The following CTNNA3 variants were observed in gnomAD, a reference collection of about 807,000 sequenced individuals.
CTNNA3 encodes the protein catenin alpha 3, also known as catenin alpha-3.
A neutral mutation model predicts 95.7 loss-of-function variants in CTNNA3; 76 were observed. That is an observed-to-expected ratio of 0.79 (90% CI 0.66 to 0.96). CTNNA3 has a LOEUF of 0.96. CTNNA3 is among the 40% of genes least tolerant of loss of function. CTNNA3 has a pLI of 0.00. For synonymous variants in CTNNA3, 431 were observed against 374.4 expected (o/e 1.15, Z -1.74); for missense variants, 1,191 against 1,089.8 (o/e 1.09, Z -1.31).
At chr10:66,021,052 C>G (rs531972152) in intron 15 of CTNNA3, among the ~76,000 whole-genome samples, 5 of 152,220 alleles carry the variant, frequency 3.3e-5, no homozygotes, top group Admixed American at 6.5e-5. Context: ...GCTTAACCAC[C>G]CACAGCTCAT....
chr10:67,322,346 T>C (rs1309483288), intron 5 of CTNNA3, among the ~76,000 whole-genome samples: 3 of 152,158 alleles, frequency 2.0e-5, no homozygotes, highest in Non-Finnish European at 2.9e-5. Flanking sequence ...CAGTACCCAG[T>C]GGTTATTTTT....
chr10:67,080,719 C>A (rs1369161763), intron 7 of CTNNA3, among the ~76,000 whole-genome samples: 1 of 151,872 alleles, frequency 6.6e-6, no homozygotes, highest in Non-Finnish European at 1.5e-5. Flanking sequence ...ACCATCCTGG[C>A]TAACACAGTG....
intron 5 of CTNNA3, among the ~76,000 whole-genome samples, chr10:67,335,623 C>T (rs1354224312): frequency 6.6e-6 from 1 of 152,134 alleles, no homozygotes; most frequent in Non-Finnish European, 1.5e-5. Context: ...GTATGTTTGG[C>T]TCACATTTAT....
intron 15 of CTNNA3, among the ~76,000 whole-genome samples, chr10:66,064,770 A>G (rs1287512958): frequency 6.6e-6 from 1 of 152,214 alleles, no homozygotes; most frequent in African/African-American, 2.4e-5. Flanking sequence ...GCAAGCAAAG[A>G]GAGTGACTTT....
At chr10:65,947,623 C>G (rs1420846225) in intron 17 of CTNNA3, among the ~76,000 whole-genome samples, 1 of 152,112 alleles carries the variant, frequency 6.6e-6, no homozygotes, top group African/African-American at 2.4e-5. Context: ...GTACATAATC[C>G]CTGGTCCATG....
At chr10:66,748,888 C>A (rs1007065331) in intron 9 of CTNNA3, among the ~76,000 whole-genome samples, 1 of 151,696 alleles carries the variant, frequency 6.6e-6, no homozygotes, top group African/African-American at 2.4e-5. Flanking sequence ...AGATTTTCTC[C>A]TAGGTTGGGC....
intron 7 of CTNNA3, among the ~76,000 whole-genome samples, chr10:66,886,475 C>G (rs1314374307): frequency 6.6e-6 from 1 of 152,142 alleles, no homozygotes. Context: ...TTTAGACCCT[C>G]AGAAACAGGG....
chr10:66,707,446 G>A (rs1425293398), intron 9 of CTNNA3, among the ~76,000 whole-genome samples: 1 of 151,700 alleles, frequency 6.6e-6, no homozygotes, highest in South Asian at 2.1e-4. Flanking sequence ...TTGAGGGCAG[G>A]GCTCCCTCTT....
intron 1 of CTNNA3, among the ~76,000 whole-genome samples, chr10:67,746,888 G>A (rs75143720): frequency 0.043 from 6,572 of 152,248 alleles, 206 homozygotes; most frequent in African/African-American, 0.092. Context: ...AGGAGCCAGC[G>A]GGAGAAGGGC....
intron 1 of CTNNA3, among the ~76,000 whole-genome samples, chr10:67,753,308 T>C (rs1222248054): frequency 6.6e-6 from 1 of 151,996 alleles, no homozygotes; most frequent in Admixed American, 6.6e-5. Flanking sequence ...TTATAATTCA[T>C]ACAAAAATTA....
chr10:67,328,735 T>C (rs993761544), intron 5 of CTNNA3, among the ~76,000 whole-genome samples: 1 of 152,208 alleles, frequency 6.6e-6, no homozygotes, highest in Non-Finnish European at 1.5e-5. Flanking sequence ...TCTTAGTGCC[T>C]TTATCTCTGA....
chr10:66,434,051 T>C (rs11814984), intron 11 of CTNNA3, among the ~76,000 whole-genome samples: 40,269 of 152,108 alleles, frequency 0.26, 5,489 homozygotes, highest in South Asian at 0.39. Flanking sequence ...TGCAGCCTTG[T>C]AGTGTAGTTT....
chr10:67,307,050 G>A (rs1840582784), intron 5 of CTNNA3, among the ~76,000 whole-genome samples: 1 of 152,188 alleles, frequency 6.6e-6, no homozygotes, highest in East Asian at 1.9e-4. Flanking sequence ...CATTGTGGGT[G>A]ACTGCAGGTT....
At chr10:67,478,692 G>T (rs753080751) in intron 5 of CTNNA3, among the ~76,000 whole-genome samples, 1 of 151,884 alleles carries the variant, frequency 6.6e-6, no homozygotes, top group Admixed American at 6.6e-5. Flanking sequence ...TAAATAAATA[G>T]CTCACAGAAC....
intron 9 of CTNNA3, among the ~76,000 whole-genome samples, chr10:66,671,440 T>G (rs967236138): frequency 6.6e-6 from 1 of 152,114 alleles, no homozygotes; most frequent in East Asian, 1.9e-4. Context: ...TAAATGAAGA[T>G]ACTCAGTTAA....
chr10:67,700,493 C>T (rs1589575473), upstream of CTNNA3, among the ~76,000 whole-genome samples: 1 of 152,298 alleles, frequency 6.6e-6, no homozygotes, highest in African/African-American at 2.4e-5. Context: ...TTGCAATCTC[C>T]GCTGCTGATA....
intron 15 of CTNNA3, among the ~76,000 whole-genome samples, chr10:66,057,489 TA>T (rs1178441491): frequency 6.6e-6 from 1 of 152,198 alleles, no homozygotes; most frequent in East Asian, 1.9e-4. Flanking sequence ...GCTCATTACT[TA>T]TCATGATTAG....
At chr10:66,835,979 T>C (rs1158801359) in intron 7 of CTNNA3, among the ~76,000 whole-genome samples, 2 of 151,758 alleles carry the variant, frequency 1.3e-5, no homozygotes, top group Non-Finnish European at 2.9e-5. Flanking sequence ...TGACAACACC[T>C]GTACTAGAGA....
At chr10:67,682,488 G>A (rs1202532514) in intron 1 of CTNNA3, among the ~76,000 whole-genome samples, 1 of 152,104 alleles carries the variant, frequency 6.6e-6, no homozygotes, top group East Asian at 1.9e-4. Context: ...TTTTCACCAA[G>A]CAGCCAAAAT....
Sources: gnomAD v4.1 joint callset for allele counts (sites outside exome capture counted in the v4.1 genomes callset) on GRCh38, gnomAD v4.1.1 for gene constraint, MANE v1.5 for transcripts, NCBI Gene and HGNC (gene_info 2026-07-23, HGNC 2026-07-21) for gene names.